Variants in SETD5 observed in about 807,000 individuals in gnomAD.
SETD5 encodes the protein histone-lysine N-methyltransferase SETD5.
Under a neutral mutation model 153.3 loss-of-function variants are expected in SETD5, and 44 were observed. That is an observed-to-expected ratio of 0.29 (90% CI 0.23 to 0.37). The LOEUF is 0.37. Among genes scored for constraint, SETD5 ranks in the 10% least tolerant of loss-of-function variants. The pLI is 1.00. For missense variants in SETD5, 1,544 were observed against 1,768.0 expected, an observed-to-expected ratio of 0.87 and a Z score of 2.27; for synonymous variants, 716 against 645.2, an observed-to-expected ratio of 1.11 and a Z score of -1.66.
chr3:9,470,431 A>G (rs1298798647), intron 18 of SETD5, 28 bp from the exon 19 acceptor site: 2 of 1,571,374 alleles, frequency 1.3e-6, no homozygotes, highest in South Asian at 2.3e-5. Flanking sequence ...CCCCTACCCC[A>G]TGTCTCCGTT....
chr3:9,439,711 A>G lies in SETD5; in HGVS notation c.568-745A>G, dbSNP rs146268686. On this transcript the variant is annotated intron_variant, in intron 7 of 22. Coordinates refer to ENST00000402198, the MANE Select transcript of SETD5 (RefSeq NM_001080517.3). ...CTCAATACTGTCACCATAGAGGGCA[A>G]TGGTTTTCCTAGAGGAGTATAGCAA... 3.4e-3 allele frequency among the ~76,000 whole-genome samples: 520 copies of G among 152,270 alleles called. 3 individuals are homozygous for G. The highest frequency in any genetic ancestry group is 0.02 in the Middle Eastern group (6 of 294).
rs891726813 is a variant in SETD5, at chr3:9,475,983, G to A, written c.4221G>A (p.Ala1407=). ...TCTACCAGGCCTCCAGGGTATCTGC[G>A]GTTTCCAATTCACAGCACTACCCAC... ...SAVYQASRVS[A]VSNSQHYPHR... is the part of the protein sequence containing the mutation. The change falls in exon 23 of 23, where the codon GCG becomes GCA. Residue 1407 remains alanine, a synonymous_variant. Transcript: ENST00000402198. The A allele has an allele frequency of 1.5e-5, 25 of 1,613,890 alleles. No homozygotes were observed. The highest frequency in any genetic ancestry group is 2.7e-5 in the African/African-American group (2 of 74,930).
chr3:9,431,213 T>G, intron 3 of SETD5: 1 of 985,414 alleles, frequency 1.0e-6, no homozygotes, highest in Non-Finnish European at 1.2e-6. Flanking sequence ...AAAACAAAGA[T>G]TTTTCTGAAT....
intron 17 of SETD5, among the ~76,000 whole-genome samples, chr3:9,461,126 G>C (rs577357770): frequency 4.3e-4 from 65 of 152,242 alleles, no homozygotes; most frequent in African/African-American, 1.5e-3. Flanking sequence ...CAACACCTCA[G>C]TAGAATGCAG....
intron 1 of SETD5, among the ~76,000 whole-genome samples, chr3:9,408,463 T>A (rs1439171012): frequency 6.6e-6 from 1 of 152,246 alleles, no homozygotes; most frequent in Non-Finnish European, 1.5e-5. Flanking sequence ...TTGATCAGGA[T>A]AAGGTCCATA....
At position 9,477,361 on chromosome 3, in the gene SETD5, G is replaced by C. The variant is rs2045908225; in HGVS notation, c.*1270G>C. ...GGTTGCCAGCTTATTTCTTTCACTT[G>C]TTTACTGTAATATCTGGCGTGTTTT... On this transcript the variant is annotated 3_prime_UTR_variant, in exon 23 of 23. Transcript: ENST00000402198. 1 of 152,572 alleles carries C rather than the reference G, an allele frequency of 6.6e-6. No homozygotes were observed. The highest frequency in any genetic ancestry group is 6.6e-5 in the Admixed American group (1 of 15,262). 9.5% of individuals were successfully genotyped at this position (152,572 alleles called of 1,614,324 possible).
At chr3:9,442,377 A>G in intron 10 of SETD5, 132 bp downstream of exon 10, 1 of 680,620 alleles carries the variant, frequency 1.5e-6, no homozygotes, top group Non-Finnish European at 2.6e-6. Flanking sequence ...TGGGAGGTGA[A>G]AAACAAAAGT....
intron 17 of SETD5, among the ~76,000 whole-genome samples, chr3:9,462,586 CAAAAAAAA>C (rs111829236): frequency 4.9e-5 from 4 of 81,734 alleles, no homozygotes; most frequent in East Asian, 7.6e-4. Flanking sequence ...GAGTCCGTCT[CAAAAAAAA>C]AAAAAAAGAA....
intron 1 of SETD5, among the ~76,000 whole-genome samples, chr3:9,415,682 C>T (rs4254639): frequency 0.053 from 8,017 of 151,980 alleles, 324 homozygotes; most frequent in Admixed American, 0.11. Context: ...TAATTAGGCT[C>T]AAGGGATCGG....
In SETD5 at chr3:9,407,758, T is replaced by C. The variant is rs375756328; in HGVS notation, c.-177+9781T>C. On this transcript the variant is annotated intron_variant, in intron 1 of 22. Coordinates refer to ENST00000402198, the MANE Select transcript of SETD5 (RefSeq NM_001080517.3). ...GCTCATGCCTGTAAACCCAACACTTTGGGATGCCAAGGTGGGCAGATCACC... is the reference window on the plus strand; with the variant it reads ...GCTCATGCCTGTAAACCCAACACTTCGGGATGCCAAGGTGGGCAGATCACC... 1.4e-3 allele frequency among the ~76,000 whole-genome samples: 208 copies of C among 152,282 alleles called. 7 individuals carry two copies. The East Asian group carries it at 0.025, about 18-fold the overall frequency.
chr3:9,414,855 T>C (rs1186552733), intron 1 of SETD5, among the ~76,000 whole-genome samples: 2 of 152,000 alleles, frequency 1.3e-5, no homozygotes, highest in East Asian at 3.9e-4. Context: ...TTACTGAGTA[T>C]TGGAAAAGGA....
At chr3:9,437,971 C>T (rs544426786) in intron 7 of SETD5, among the ~76,000 whole-genome samples, 395 of 151,452 alleles carry the variant, frequency 2.6e-3, no homozygotes, top group Non-Finnish European at 4.5e-3. Context: ...CCACTGCACT[C>T]CAGCCTGGGC....
intron 17 of SETD5, among the ~76,000 whole-genome samples, chr3:9,455,347 C>T (rs1444771060): frequency 6.6e-6 from 1 of 151,558 alleles, no homozygotes; most frequent in South Asian, 2.1e-4. Context: ...CTCAGGAGAT[C>T]CGCCCACCTC....
intron 17 of SETD5, among the ~76,000 whole-genome samples, chr3:9,463,453 G>A (rs1377540051): frequency 6.6e-6 from 1 of 152,170 alleles, no homozygotes; most frequent in Non-Finnish European, 1.5e-5. Flanking sequence ...GAATAAAACT[G>A]TATTTTTATT....
At position 9,442,260 on chromosome 3, in the gene SETD5, G is replaced by T; in HGVS notation, c.1077+15G>T. On this transcript the variant is annotated intron_variant, in intron 10 of 22. Transcript: ENST00000402198. ...CAAATGCAGAGGTAAGATATCTGTAGCAACTTCCCTTTGACTGGAACCATC... is the reference window on the plus strand; with the variant it reads ...CAAATGCAGAGGTAAGATATCTGTATCAACTTCCCTTTGACTGGAACCATC... 1 of 1,549,750 alleles carries T rather than the reference G, an allele frequency of 6.5e-7. No individual in the cohort carries two copies.
chr3:9,425,076 T>TTTTTTTTTTTTTTTTTTTTTTTTTTA (rs2038974648), intron 2 of SETD5, among the ~76,000 whole-genome samples: 1 of 148,396 alleles, frequency 6.7e-6, no homozygotes, highest in African/African-American at 2.5e-5. Context: ...TTTTTTTTTT[T>TTTTTTTTTTTTTTTTTTTTTTTTTTA]TTGAGACAGA....
chr3:9,419,971 C>G (rs564179365), intron 1 of SETD5, among the ~76,000 whole-genome samples: 1 of 152,232 alleles, frequency 6.6e-6, no homozygotes, highest in South Asian at 2.1e-4. Flanking sequence ...AACACATGTT[C>G]TGAGCCTCAG....
intron 1 of SETD5, among the ~76,000 whole-genome samples, chr3:9,419,510 G>T (rs1057191575): frequency 6.6e-6 from 1 of 152,100 alleles, no homozygotes; most frequent in African/African-American, 2.4e-5. Context: ...AGGTTGCGGT[G>T]AGCTGTGATT....
chr3:9,421,951 T>C (rs2038475789), intron 1 of SETD5, among the ~76,000 whole-genome samples: 1 of 152,216 alleles, frequency 6.6e-6, no homozygotes, highest in Non-Finnish European at 1.5e-5. Flanking sequence ...GTTATTGCTT[T>C]CAAAAGGAAG....
Sources: allele counts gnomAD v4.1 joint callset (sites outside exome capture counted in the v4.1 genomes callset), GRCh38; gene constraint gnomAD v4.1.1; transcripts MANE v1.5; gene names NCBI Gene and HGNC (gene_info 2026-07-23, HGNC 2026-07-21).